Variants in ARL10 observed in about 807,000 individuals in gnomAD.
The protein encoded by ARL10 is ADP-ribosylation factor-like protein 10.
ARL10 carries 23 observed loss-of-function variants against 26.1 expected under a neutral mutation model. The ratio of observed to expected loss-of-function variants is 0.88; its 90% confidence interval spans 0.63 to 1.25. ARL10 has a LOEUF of 1.25. Among genes scored for constraint, ARL10 ranks in the 50% most tolerant of loss-of-function variants. ARL10 has a pLI of 0.00. For missense variants in ARL10, 300 were observed against 323.6 expected, an observed-to-expected ratio of 0.93 and a Z score of 0.56; for synonymous variants, 138 against 149.1, an observed-to-expected ratio of 0.93 and a Z score of 0.54.
At chr5:176,384,847 C>G (rs762598308), downstream of ARL10, 2 of 476,112 alleles carry the variant, frequency 4.2e-6, no homozygotes, top group South Asian at 3.5e-5. Flanking sequence ...CATGACCCAT[C>G]ATAGCCAGCT....
chr5:176,369,306 C>A, intron 3 of ARL10: 1 of 950,360 alleles, frequency 1.1e-6, no homozygotes. Context: ...GATCTCGGCT[C>A]ACTGCAACCT....
At chr5:176,412,331 A>G in the ARL10 span, among the ~76,000 whole-genome samples, 3 of 152,116 alleles carry the variant, frequency 2.0e-5, no homozygotes, top group Non-Finnish European at 4.4e-5. Context: ...GATATCATAC[A>G]GTATCCTGCA....
downstream of ARL10, chr5:176,389,502 A>G (rs1561787310): frequency 2.5e-6 from 4 of 1,610,472 alleles, no homozygotes; most frequent in African/African-American, 1.3e-5. Context: ...CCCTAAGCCC[A>G]GGGTCTGGCC....
intron 1 of ARL10, among the ~76,000 whole-genome samples, chr5:176,395,701 G>A (rs1756488916): frequency 6.6e-6 from 1 of 152,162 alleles, no homozygotes; most frequent in Non-Finnish European, 1.5e-5. Flanking sequence ...CATGTGAGGG[G>A]GCCTGTGGTG....
downstream of ARL10, among the ~76,000 whole-genome samples, chr5:176,404,188 G>A (rs1756981564): frequency 6.6e-6 from 1 of 152,210 alleles, no homozygotes; most frequent in Non-Finnish European, 1.5e-5. Flanking sequence ...AGCTAATAGG[G>A]CCCAAAGTCA....
chr5:176,384,132 T>C (rs1065212), downstream of ARL10: 144,666 of 1,611,914 alleles, frequency 0.09, 7,392 homozygotes, highest in African/African-American at 0.17. Context: ...CCTGGCCAGC[T>C]CCTCTGGAGC....
chr5:176,388,605 C>A, exon 2 of ARL10: 1 of 1,480,252 alleles, frequency 6.8e-7, no homozygotes, highest in Middle Eastern at 2.1e-4. Context: ...GTGTAACAAA[C>A]TCCTTCCGGA....
chr5:176,392,713 C>T, downstream of ARL10: 3 of 1,583,890 alleles, frequency 1.9e-6, no homozygotes, highest in Non-Finnish European at 2.6e-6. The surrounding 1 kb of genome is among the most constrained non-coding windows in gnomAD (Gnocchi z 5.2). Flanking sequence ...CCGACCAAAG[C>T]AGCTGCTCCT....
chr5:176,386,856 C>A, downstream of ARL10: 1 of 1,614,090 alleles, frequency 6.2e-7, no homozygotes, highest in Non-Finnish European at 8.5e-7. Flanking sequence ...GCACATAGGG[C>A]TTCCGTACAA....
chr5:176,384,178 G>C (rs759804837), downstream of ARL10: 4 of 1,614,070 alleles, frequency 2.5e-6, no homozygotes, highest in Non-Finnish European at 2.5e-6. Flanking sequence ...CCTGGCTCCA[G>C]CTTCACTGGT....
At chr5:176,384,781 C>A, downstream of ARL10, 1 of 369,862 alleles carries the variant, frequency 2.7e-6, no homozygotes, top group Non-Finnish European at 4.8e-6. Flanking sequence ...AAAAAAAGAC[C>A]AGGAAGGCCT....
In ARL10 at chr5:176,372,887, T is replaced by C. The variant is rs552078966; in HGVS notation, c.*992T>C. On this transcript the variant is annotated 3_prime_UTR_variant, in exon 4 of 4. Transcript: ENST00000310389. ...ACCCCAGATGACAGTCATAGAAAAT[T>C]TGGAACTTAGGAAAATAGCTGGAAT... 1 of 398,678 alleles carries C rather than the reference T, an allele frequency of 2.5e-6. No individual in the cohort carries two copies. The highest frequency in any genetic ancestry group is 4.4e-5 in the Admixed American group (1 of 22,732). 24.7% of individuals were successfully genotyped at this position (398,678 alleles called of 1,614,324 possible).
rs1418781973 is a variant in ARL10 at position 176,368,602 on chromosome 5, G to T, written c.386-205G>T. On this transcript the variant is annotated intron_variant, in intron 2 of 3. Transcript: ENST00000310389. The surrounding 1 kb of genome is among the most constrained non-coding windows in gnomAD (Gnocchi z 4.1). ...AGCTAAATCCAGTCTGAGTAGCTGCGGAAACTGCGGTCTTTTCCTTGCCCC... is the reference window on the plus strand; with the variant it reads ...AGCTAAATCCAGTCTGAGTAGCTGCTGAAACTGCGGTCTTTTCCTTGCCCC... Among the ~76,000 whole-genome samples, 1 of 151,926 alleles carries T rather than the reference G, an allele frequency of 6.6e-6. No homozygotes were observed. The highest frequency in any genetic ancestry group is 1.9e-4 in the East Asian group (1 of 5,172).
At chr5:176,392,854 T>TG, downstream of ARL10, 1 of 1,614,208 alleles carries the variant, frequency 6.2e-7, no homozygotes, top group Non-Finnish European at 8.5e-7. This position sits in a 1 kb window ranked among gnomAD's most constrained non-coding sequence, Gnocchi z 5.2. Context: ...TTGCTGCTCT[T>TG]GGGGTTGAAG....
downstream of ARL10, chr5:176,392,651 G>A: frequency 8.6e-7 from 1 of 1,158,658 alleles, no homozygotes; most frequent in Non-Finnish European, 1.2e-6. This position sits in a 1 kb window ranked among gnomAD's most constrained non-coding sequence, Gnocchi z 5.2. Flanking sequence ...AGCGCCTGGA[G>A]ATGGGGAGGA....
rs1429203074 is a variant in ARL10, at chr5:176,368,310, T to C, written c.386-497T>C. On this transcript the variant is annotated intron_variant, in intron 2 of 3. Coordinates refer to ENST00000310389, the MANE Select transcript of ARL10 (RefSeq NM_173664.6). This position sits in a 1 kb window ranked among gnomAD's most constrained non-coding sequence, Gnocchi z 4.1. ...AGGGGGTCCTGAGTTTTCTAGACAA[T>C]AGGACTCCTGGCTCCTGTCACAGCC... Among the ~76,000 whole-genome samples, 2 of 151,924 alleles carry C rather than the reference T, an allele frequency of 1.3e-5. No homozygotes were observed. The highest frequency in any genetic ancestry group is 2.4e-5 in the African/African-American group (1 of 41,360).
At position 176,373,597 on chromosome 5, in the gene ARL10, A is replaced by G. The variant is rs910897199; in HGVS notation, c.*1702A>G. On this transcript the variant is annotated 3_prime_UTR_variant, in exon 4 of 4. Transcript: ENST00000310389. Reference sequence around the variant, plus strand: ...CAACAAGCCGCAAGGAGGGTGGGAAATTCTGAAGTCCAGAAGCGAGTGTGA... The same window carrying G: ...CAACAAGCCGCAAGGAGGGTGGGAAGTTCTGAAGTCCAGAAGCGAGTGTGA... 1 of 152,284 alleles carries G rather than the reference A, an allele frequency of 6.6e-6. No individual in the cohort carries two copies. The highest frequency in any genetic ancestry group is 2.4e-5 in the African/African-American group (1 of 41,472). The allele number at this position is 152,284 out of a possible 1,614,324, so 9.4% of individuals were successfully genotyped here. A position where few individuals can be genotyped will look rare whatever the true frequency, so the allele number is the denominator to read the frequency against.
At position 176,375,811 on chromosome 5, in the gene ARL10, A is replaced by AG. The variant is rs1415339137; in HGVS notation, c.*3919dup. ...TGTGGTCCCTTTATAGCATGCTGTA[A>AG]GGGTGCATAACCACAGCCAGTGAGA... On this transcript the variant is annotated 3_prime_UTR_variant, in exon 4 of 4. Coordinates refer to ENST00000310389, the MANE Select transcript of ARL10 (RefSeq NM_173664.6). 4 of 152,156 alleles carry AG rather than the reference A, an allele frequency of 2.6e-5. No homozygotes were observed. The highest frequency in any genetic ancestry group is 9.7e-5 in the African/African-American group (4 of 41,444). 9.4% of individuals were successfully genotyped at this position (152,156 alleles called of 1,614,324 possible).
At position 176,366,433 on chromosome 5, in the gene ARL10, G is replaced by A. The variant is rs1457214761; in HGVS notation, c.237G>A (p.Glu79=). 1.9e-6 allele frequency: 3 copies of A among 1,613,318 alleles called. No individual in the cohort carries two copies. Among genetic ancestry groups the A allele is most frequent in the South Asian group, 1.1e-5 (1 of 91,030 alleles). Residue 79 remains glutamate (E), a synonymous_variant, in exon 2 of 4, where the codon GAG becomes GAA. Coordinates refer to ENST00000310389, the MANE Select transcript of ARL10 (RefSeq NM_173664.6). ...CGCTGGAGGAGCTGGAACAGCGCGA[G>A]GTGCTGGTGCTGGGGCTGGATGGCG... ...EPALEELEQR[E]VLVLGLDGAG...
Sources: allele counts gnomAD v4.1 joint callset (sites outside exome capture counted in the v4.1 genomes callset), GRCh38; gene constraint gnomAD v4.1.1; non-coding constraint Gnocchi (gnomAD v3.1); transcripts MANE v1.5; gene names NCBI Gene and HGNC (gene_info 2026-07-23, HGNC 2026-07-21).